Variants in SLC28A1 observed in about 807,000 individuals in gnomAD.
SLC28A1 encodes sodium/nucleoside cotransporter 1.
SLC28A1 carries 64 observed loss-of-function variants against 74.8 expected under a neutral mutation model. The observed-to-expected ratio is 0.86, with a 90% CI of 0.70 to 1.05. The LOEUF (loss-of-function observed/expected upper bound fraction) is 1.05. SLC28A1 is among the 50% of genes least tolerant of loss of function. The pLI is 0.00. For missense variants in SLC28A1, 828 were observed against 822.8 expected (o/e 1.01, Z -0.08); for synonymous variants, 359 against 335.0 (o/e 1.07, Z -0.78).
At chr15:84,888,934 T>C in intron 4 of SLC28A1, 74 bp downstream of exon 4, 1 of 1,064,244 alleles carries the variant, frequency 9.4e-7, no homozygotes. Flanking sequence ...GAGCCGGGCC[T>C]CCTGGCGGAT....
At chr15:84,888,928 C>T (rs984883754) in intron 4 of SLC28A1, 68 bp downstream of exon 4, 26 of 1,151,896 alleles carry the variant, frequency 2.3e-5, no homozygotes, top group African/African-American at 2.0e-4. Context: ...GATGGGGAGC[C>T]GGGCCTCCTG....
intron 12 of SLC28A1, 29 bp downstream of exon 12, chr15:84,924,139 A>C: frequency 1.9e-6 from 3 of 1,606,800 alleles, no homozygotes; most frequent in Non-Finnish European, 2.5e-6. Context: ...CTGCTTGGCT[A>C]TGTTGAGGAC....
chr15:84,910,460 G>A (rs1341975092), intron 9 of SLC28A1, among the ~76,000 whole-genome samples: 1 of 152,192 alleles, frequency 6.6e-6, no homozygotes, highest in Non-Finnish European at 1.5e-5. Flanking sequence ...TGGGCGCGGT[G>A]GCTCATGCCT....
At chr15:84,910,810 G>A (rs1327388364) in intron 9 of SLC28A1, among the ~76,000 whole-genome samples, 1 of 152,214 alleles carries the variant, frequency 6.6e-6, no homozygotes, top group Non-Finnish European at 1.5e-5. Flanking sequence ...GCGTTCAAGT[G>A]CAGTAACGGA....
intron 12 of SLC28A1, among the ~76,000 whole-genome samples, chr15:84,928,863 T>C (rs1371046262): frequency 6.6e-6 from 1 of 151,736 alleles, no homozygotes; most frequent in Non-Finnish European, 1.5e-5. Context: ...CCTCAGGTGA[T>C]CCACCCGCCT....
intron 8 of SLC28A1, among the ~76,000 whole-genome samples, chr15:84,908,304 C>G (rs1261342633): frequency 6.6e-6 from 1 of 151,612 alleles, no homozygotes; most frequent in East Asian, 1.9e-4. Flanking sequence ...CTGCCTCAGC[C>G]TCCCAAGTAG....
At position 84,944,759 on chromosome 15, in the gene SLC28A1, TC is replaced by T. The variant is rs762354580; in HGVS notation, c.1768del (p.Leu590SerfsTer15). 1 of 1,612,670 alleles carries T rather than the reference TC, an allele frequency of 6.2e-7. No homozygotes were observed. The highest frequency in any genetic ancestry group is 1.7e-5 in the Admixed American group (1 of 59,992). On this transcript the variant is annotated frameshift_variant, in exon 18 of 19. Coordinates refer to ENST00000394573, the MANE Select transcript of SLC28A1 (RefSeq NM_004213.5). LOFTEE classifies it high-confidence loss of function. ...VSLVNACMAG[I>X]LYMPRGAEVD... is the part of the protein sequence containing the mutation. ...ACCCACCACTTTCCCTCTACAGGGA[TC>T]CTCTACATGCCCAGGGGGGCTGAAG...
rs563986920 is a variant in SLC28A1 at position 84,944,202 on chromosome 15, A to T, written c.1664-364A>T. ...CCTGGCAGCTACACTGCCTGGTGGT[A>T]TAATCACCCCATTTTACAAAGAAGG... is the stretch of plus-strand genomic sequence containing the variant. On this transcript the variant is annotated intron_variant, in intron 16 of 18. Coordinates refer to ENST00000394573, the MANE Select transcript of SLC28A1 (RefSeq NM_004213.5). Among the ~76,000 whole-genome samples, 6 of 152,372 alleles carry T rather than the reference A, an allele frequency of 3.9e-5. No homozygotes were observed. In the East Asian group the frequency reaches 1.2e-3, roughly 29 times the overall value.
chr15:84,913,361 C>T (rs1262850853), intron 9 of SLC28A1, among the ~76,000 whole-genome samples: 3 of 146,116 alleles, frequency 2.1e-5, no homozygotes, highest in Non-Finnish European at 4.6e-5. Flanking sequence ...GCTCAGCTTC[C>T]TCCAGGGAGA....
At chr15:84,907,274 T>C (rs1002359793) in intron 8 of SLC28A1, among the ~76,000 whole-genome samples, 2 of 152,260 alleles carry the variant, frequency 1.3e-5, no homozygotes, top group South Asian at 4.1e-4. Flanking sequence ...AATGGTCTCC[T>C]TTATTTAACA....
At position 84,920,216 on chromosome 15, in the gene SLC28A1, C is replaced by G. The variant is rs533350729; in HGVS notation, c.877-773C>G. 6.5e-4 allele frequency among the ~76,000 whole-genome samples: 99 copies of G among 152,310 alleles called. 2 individuals carry two copies. In the South Asian group the frequency reaches 0.013, roughly 21 times the overall value. On this transcript the variant is annotated intron_variant, in intron 10 of 18. Coordinates refer to ENST00000394573, the MANE Select transcript of SLC28A1 (RefSeq NM_004213.5). ...ATCCCAGCACTTTGGGAGGCCAAGG[C>G]AGACGGATCACCTGAGGTCAGGAGT...
intron 11 of SLC28A1, among the ~76,000 whole-genome samples, chr15:84,922,451 C>T (rs917535069): frequency 5.3e-5 from 8 of 152,164 alleles, no homozygotes; most frequent in Non-Finnish European, 1.2e-4. Context: ...TGCCTTCCTC[C>T]GCTTCCCCCA....
At chr15:84,951,377 C>G in the SLC28A1 span, among the ~76,000 whole-genome samples, 5 of 151,294 alleles carry the variant, frequency 3.3e-5, no homozygotes, top group African/African-American at 1.2e-4. Flanking sequence ...CTACAGTGAG[C>G]CATGACCCAC....
At chr15:84,968,038 C>T in the SLC28A1 span, among the ~76,000 whole-genome samples, 20 of 152,158 alleles carry the variant, frequency 1.3e-4, no homozygotes, top group Admixed American at 2.6e-4. Context: ...TGAGGAATCA[C>T]TGGGGACCAA....
At position 84,935,402 on chromosome 15, in the gene SLC28A1, C is replaced by T. The variant is rs1247236891; in HGVS notation, c.1465C>T (p.Leu489=). 6.2e-7 allele frequency: 1 copy of T among 1,614,108 alleles called. No individual in the cohort carries two copies. The highest frequency in any genetic ancestry group is 1.7e-5 in the Admixed American group (1 of 60,010). ...WEDCPVVAEL[L]GIKLFLNEFV... ...GGACTGCCCAGTGGTAGCTGAGCTG[C>T]TGGGGATCAAGCTGTTTCTGAACGA... Residue 489 remains leucine, a synonymous_variant, in exon 15 of 19, where the codon CTG becomes TTG. Transcript: ENST00000394573.
chr15:84,932,003 G>GA (rs112944998), intron 12 of SLC28A1, among the ~76,000 whole-genome samples: 69,422 of 150,764 alleles, frequency 0.46, 16,760 homozygotes, highest in Middle Eastern at 0.66. Flanking sequence ...CTCTGTCTTG[G>GA]AAAAAAAAAT....
chr15:84,884,936 G>A (rs984364176), intron 1 of SLC28A1, among the ~76,000 whole-genome samples, 185 bp downstream of exon 1: 4 of 152,132 alleles, frequency 2.6e-5, no homozygotes, highest in African/African-American at 4.8e-5. Flanking sequence ...AGACAGTAGT[G>A]CTGCTCAGAG....
the SLC28A1 span, among the ~76,000 whole-genome samples, chr15:84,954,104 A>C: frequency 6.6e-6 from 1 of 152,198 alleles, no homozygotes; most frequent in East Asian, 1.9e-4. Flanking sequence ...CCTGATAGCT[A>C]GTTGTGGCAA....
intron 1 of SLC28A1, 35 bp downstream of exon 1, chr15:84,884,786 C>G: frequency 1.0e-6 from 1 of 971,950 alleles, no homozygotes; most frequent in Non-Finnish European, 1.2e-6. Context: ...GGAGGGAAGG[C>G]GGGACTGAAG....
Sources: gnomAD v4.1 joint callset for allele counts (sites outside exome capture counted in the v4.1 genomes callset) on GRCh38, gnomAD v4.1.1 for gene constraint, MANE v1.5 for transcripts, NCBI Gene and HGNC (gene_info 2026-07-23, HGNC 2026-07-21) for gene names.